The following PLEKHA7 variants were observed in gnomAD, a reference collection of about 807,000 sequenced individuals.
PLEKHA7 encodes pleckstrin homology domain-containing family A member 7.
PLEKHA7 carries 104 observed loss-of-function variants against 170.0 expected under a neutral mutation model. The observed-to-expected ratio is 0.61, with a 90% CI of 0.52 to 0.72. PLEKHA7 has a LOEUF of 0.72. PLEKHA7 is among the 30% of genes least tolerant of loss of function. The pLI, the probability that PLEKHA7 is intolerant of heterozygous loss-of-function variation, is 0.00. For missense variants in PLEKHA7, 1,615 were observed against 1,671.7 expected, an observed-to-expected ratio of 0.97 and a Z score of 0.59; for synonymous variants, 648 against 660.8, an observed-to-expected ratio of 0.98 and a Z score of 0.30.
intron 4 of PLEKHA7, among the ~76,000 whole-genome samples, chr11:16,861,914 G>A (rs1184774464): frequency 6.6e-6 from 1 of 152,050 alleles, no homozygotes; most frequent in Non-Finnish European, 1.5e-5. Context: ...ACACCCATCA[G>A]CTAAGGGTTT....
Position 16,791,495 on chromosome 11 carries a change from T to A in PLEKHA7, c.2746-296A>T. On this transcript the variant is annotated intron_variant, in intron 19 of 26. Transcript: ENST00000531066. The surrounding 1 kb of genome is among the most constrained non-coding windows in gnomAD (Gnocchi z 4.5). ...TCCTGGGTCCATGCCCTCGGTGCTG[T>A]GCTGAACTGCTCCCTCCGCTCATCT... 1.7e-6 allele frequency: 1 copy of A among 583,446 alleles called. No individual in the cohort carries two copies. Among genetic ancestry groups the A allele is most frequent in the Admixed American group, 2.2e-5 (1 of 46,172 alleles). 36.1% of individuals were successfully genotyped at this position (583,446 alleles called of 1,614,324 possible). A position where few individuals can be genotyped will look rare whatever the true frequency, so the allele number is the denominator to read the frequency against.
Position 16,777,699 on chromosome 11 carries a change from G to A in PLEKHA7, c.*1299C>T, listed in dbSNP as rs1236473339. The stretch of plus-strand genomic sequence containing the variant: ...CTGGCTTGGTAGCCCCCCTCCTCAT[G>A]TGGGGCTGGAAGTCAAATCAAAGTC... On this transcript the variant is annotated 3_prime_UTR_variant, in exon 27 of 27. Transcript: ENST00000531066. 1 of 152,238 alleles carries A rather than the reference G, an allele frequency of 6.6e-6. No homozygotes were observed. The highest frequency in any genetic ancestry group is 2.4e-5 in the African/African-American group (1 of 41,456). The allele number at this position is 152,238 out of a possible 1,614,324, so 9.4% of individuals were successfully genotyped here. A position where few individuals can be genotyped will look rare whatever the true frequency, so the allele number is the denominator to read the frequency against.
At chr11:16,783,149 T>C (rs1398348228) in intron 25 of PLEKHA7, among the ~76,000 whole-genome samples, 3 of 152,180 alleles carry the variant, frequency 2.0e-5, no homozygotes, top group Non-Finnish European at 4.4e-5. Flanking sequence ...AATTCAGACA[T>C]GAGATGGCTA....
intron 3 of PLEKHA7, among the ~76,000 whole-genome samples, chr11:16,883,506 C>A (rs1855860225): frequency 6.6e-6 from 1 of 152,136 alleles, no homozygotes; most frequent in African/African-American, 2.4e-5. Flanking sequence ...CATGTTAAAG[C>A]CTCTTTATCT....
intron 3 of PLEKHA7, among the ~76,000 whole-genome samples, chr11:17,001,162 T>C (rs746621747): frequency 6.6e-5 from 10 of 152,094 alleles, no homozygotes; most frequent in Non-Finnish European, 1.2e-4. Context: ...GGCACCCATA[T>C]TGGAACTGTC....
intron 6 of PLEKHA7, among the ~76,000 whole-genome samples, chr11:16,854,476 G>A (rs1853260016): frequency 6.6e-6 from 1 of 152,148 alleles, no homozygotes; most frequent in Admixed American, 6.5e-5. Context: ...AATTTGAGAC[G>A]TTAGGTGGAT....
At chr11:16,878,871 A>G (rs1339943203) in intron 3 of PLEKHA7, among the ~76,000 whole-genome samples, 1 of 152,232 alleles carries the variant, frequency 6.6e-6, no homozygotes, top group South Asian at 2.1e-4. Flanking sequence ...TTCTATTCTT[A>G]CTGCCAGTGC....
chr11:16,880,959 TAAC>T (rs778527406), intron 3 of PLEKHA7, among the ~76,000 whole-genome samples: 14 of 148,490 alleles, frequency 9.4e-5, no homozygotes, highest in Admixed American at 6.8e-4. Context: ...GACTGAAATG[TAAC>T]AACACTACAC....
At chr11:16,783,039 T>C in intron 25 of PLEKHA7, 143 bp from the exon 26 acceptor site, 1 of 952,174 alleles carries the variant, frequency 1.1e-6, no homozygotes. Flanking sequence ...TAGACAAAGG[T>C]ACATGCTTTT....
intron 3 of PLEKHA7, among the ~76,000 whole-genome samples, chr11:16,978,256 G>A (rs890795641): frequency 1.3e-5 from 2 of 152,148 alleles, no homozygotes; most frequent in African/African-American, 4.8e-5. Flanking sequence ...TGATAACAAG[G>A]CCTTTTGTTC....
At chr11:16,872,809 AT>A (rs11331184) in intron 3 of PLEKHA7, among the ~76,000 whole-genome samples, 68,921 of 150,398 alleles carry the variant, frequency 0.46, 16,343 homozygotes, top group Non-Finnish European at 0.54. Context: ...GCCAAATGTA[AT>A]TTTTTTTTTT....
At chr11:17,000,363 G>A (rs367873087) in intron 3 of PLEKHA7, among the ~76,000 whole-genome samples, 2 of 152,214 alleles carry the variant, frequency 1.3e-5, no homozygotes, top group Non-Finnish European at 2.9e-5. Flanking sequence ...CAAAGTGCTC[G>A]GATTACAGGC....
intron 3 of PLEKHA7, among the ~76,000 whole-genome samples, chr11:17,003,363 C>T (rs991567040): frequency 2.6e-5 from 4 of 152,146 alleles, no homozygotes; most frequent in African/African-American, 7.2e-5. Context: ...CCCCTGACTC[C>T]GGCAATCCTA....
intron 9 of PLEKHA7, among the ~76,000 whole-genome samples, chr11:16,828,995 GAATA>G (rs1564974545): frequency 3.3e-5 from 5 of 151,612 alleles, no homozygotes; most frequent in Non-Finnish European, 5.9e-5. Context: ...TTCTGGTTGT[GAATA>G]AATAAATTCC....
intron 8 of PLEKHA7, among the ~76,000 whole-genome samples, chr11:16,849,143 T>C (rs1852710087): frequency 6.6e-6 from 1 of 152,240 alleles, no homozygotes. Context: ...CGATGCCTTC[T>C]GTCTCTCAGA....
chr11:16,816,934 G>A lies in PLEKHA7; in HGVS notation c.1732C>T (p.Pro578Ser), dbSNP rs141289260. The A allele has an allele frequency of 4.3e-6, 7 of 1,613,446 alleles. No individual in the cohort carries two copies. In the African/African-American group the frequency reaches 9.3e-5, roughly 22 times the overall value. The change falls in exon 11 of 27, where the codon CCC (proline) becomes TCC (serine). Residue 578 changes from proline (P) to serine (S), a missense_variant. Coordinates refer to ENST00000531066, the MANE Select transcript of PLEKHA7 (RefSeq NM_001329630.2). ...PSPSDIPPPG[P>S]PRVFPPRRPH... ...CGCCGGGGTGGGAAGACCCTTGGGG[G>A]TCCTGGGGGAGGGATGTCCGAGGGA...
intron 3 of PLEKHA7, among the ~76,000 whole-genome samples, chr11:16,887,436 G>A (rs1310219806): frequency 3.3e-5 from 5 of 150,184 alleles, no homozygotes; most frequent in African/African-American, 7.4e-5. Context: ...GTCTCCCTCC[G>A]ATGCCGAGTC....
chr11:16,927,442 C>T (rs1162517239), intron 3 of PLEKHA7, among the ~76,000 whole-genome samples: 2 of 152,124 alleles, frequency 1.3e-5, no homozygotes, highest in South Asian at 2.1e-4. Context: ...GCCTCCAAAG[C>T]CCACCCTTCT....
intron 3 of PLEKHA7, among the ~76,000 whole-genome samples, chr11:16,928,060 C>T: frequency 6.6e-6 from 1 of 152,172 alleles, no homozygotes; most frequent in Middle Eastern, 3.2e-3. Context: ...TGACTCAGAA[C>T]CTACTATCTG....
Sources: allele counts gnomAD v4.1 joint callset (sites outside exome capture counted in the v4.1 genomes callset), GRCh38; gene constraint gnomAD v4.1.1; non-coding constraint Gnocchi (gnomAD v3.1); transcripts MANE v1.5; gene names NCBI Gene and HGNC (gene_info 2026-07-23, HGNC 2026-07-21).